The following CELF2 variants were observed in gnomAD, a reference collection of about 807,000 sequenced individuals.
CELF2 encodes CUGBP Elav-like family member 2.
In CELF2, 8 loss-of-function variants were observed where a neutral mutation model predicts 62.6. The ratio of observed to expected loss-of-function variants is 0.13; its 90% CI spans 0.07 to 0.23. The LOEUF is 0.23. CELF2 is among the 10% of genes least tolerant of loss of function. The probability of loss-of-function intolerance (pLI) is 1.00; values close to 1 mark genes in which losing one functional copy is unlikely to be tolerated. For missense variants in CELF2, 333 were observed against 671.0 expected (o/e 0.50, Z 5.56); for synonymous variants, 258 against 250.0 (o/e 1.03, Z -0.30).
At chr10:10,652,724 G>A in the CELF2 span, among the ~76,000 whole-genome samples, 1 of 151,970 alleles carries the variant, frequency 6.6e-6, no homozygotes, top group African/African-American at 2.4e-5. Flanking sequence ...TGAAGGAAGT[G>A]CTAAACATGG....
Position 11,270,016 on chromosome 10 carries a change from G to C in CELF2, c.619-650G>C, listed in dbSNP as rs2083283170. 1.3e-5 allele frequency among the ~76,000 whole-genome samples: 2 copies of C among 152,190 alleles called. No homozygotes were observed. The highest frequency in any genetic ancestry group is 2.9e-5 in the Non-Finnish European group (2 of 68,036). ...GCTCCAGGGATGGCGGGTAGCACAG[G>C]TGTGCTGAGGGAAGAGGCCTCTCTG... On this transcript the variant is annotated intron_variant, in intron 6 of 12. Coordinates refer to ENST00000633077, the MANE Select transcript of CELF2 (RefSeq NM_001326342.2). This position sits in a 1 kb window ranked among gnomAD's most constrained non-coding sequence, Gnocchi z 5.8.
chr10:10,949,826 CAAAAA>C (rs35952853), intron 2 of CELF2, among the ~76,000 whole-genome samples: 2 of 82,270 alleles, frequency 2.4e-5, no homozygotes, highest in Non-Finnish European at 5.1e-5. Context: ...ACACACACAC[CAAAAA>C]AAAAAAAAAA....
intron 1 of CELF2, among the ~76,000 whole-genome samples, chr10:10,859,860 C>T (rs1195922224): frequency 6.6e-6 from 1 of 152,082 alleles, no homozygotes; most frequent in Non-Finnish European, 1.5e-5. Flanking sequence ...TTTATTTCCT[C>T]AGATAAATTC....
chr10:11,121,670 G>A (rs577547193), intron 1 of CELF2, among the ~76,000 whole-genome samples: 13 of 152,236 alleles, frequency 8.5e-5, no homozygotes, highest in African/African-American at 3.1e-4. Flanking sequence ...AATGAAGTAA[G>A]CTTGCCTAGT....
At chr10:10,810,103 A>G (rs1170638878) in intron 1 of CELF2, among the ~76,000 whole-genome samples, 3 of 152,234 alleles carry the variant, frequency 2.0e-5, no homozygotes, top group Non-Finnish European at 2.9e-5. Flanking sequence ...TAATTTGTCA[A>G]TGCCATCTGG....
intron 1 of CELF2, among the ~76,000 whole-genome samples, chr10:11,060,553 G>T (rs1352817645): frequency 6.6e-6 from 1 of 152,132 alleles, no homozygotes; most frequent in Non-Finnish European, 1.5e-5. Context: ...AGTGTCATCA[G>T]CCTTTGATGT....
At chr10:10,634,364 G>T in the CELF2 span, among the ~76,000 whole-genome samples, 1 of 151,818 alleles carries the variant, frequency 6.6e-6, no homozygotes, top group Non-Finnish European at 1.5e-5. Flanking sequence ...ACTAATTGTC[G>T]GTTTTATATA....
chr10:11,045,697 C>T (rs1319287707), intron 1 of CELF2, among the ~76,000 whole-genome samples: 1 of 152,148 alleles, frequency 6.6e-6, no homozygotes, highest in Non-Finnish European at 1.5e-5. Context: ...CAATAAAATG[C>T]AAATGTATGA....
the CELF2 span, among the ~76,000 whole-genome samples, chr10:10,622,542 C>A: frequency 2.0e-5 from 3 of 151,852 alleles, no homozygotes; most frequent in African/African-American, 7.3e-5. Flanking sequence ...ACAGTCCCAG[C>A]TACTCAGGAG....
intron 9 of CELF2, among the ~76,000 whole-genome samples, chr10:11,295,436 C>T (rs907627678): frequency 2.0e-5 from 3 of 152,236 alleles, no homozygotes; most frequent in Non-Finnish European, 4.4e-5. Context: ...ACTCTTAAAA[C>T]GTCATAACCA....
chr10:11,270,819 C>T lies in CELF2; in HGVS notation c.772C>T (p.Leu258=). The change falls in exon 7 of 13, where the codon CTG becomes TTG. Residue 258 remains leucine (L), a synonymous_variant. Transcript: ENST00000633077. This position sits in a 1 kb window ranked among gnomAD's most constrained non-coding sequence, Gnocchi z 5.8. The part of the protein sequence containing the change: ...TGLGGLTPQY[L]ALLQQATSSS... The stretch of plus-strand genomic sequence containing the variant: ...GCTGGGCGGACTGACCCCACAGTAT[C>T]TGGCGGTAAGTGCTGGGCAATGCCG... 1 of 1,427,638 alleles carries T rather than the reference C, an allele frequency of 7.0e-7. No homozygotes were observed. The highest frequency in any genetic ancestry group is 1.6e-5 in the South Asian group (1 of 62,862). The allele number at this position is 1,427,638 out of a possible 1,614,324, so 88.4% of individuals were successfully genotyped here. A position where few individuals can be genotyped will look rare whatever the true frequency, so the allele number is the denominator to read the frequency against.
intron 3 of CELF2, among the ~76,000 whole-genome samples, chr10:11,219,534 G>A (rs2064211714): frequency 6.6e-6 from 1 of 152,164 alleles, no homozygotes; most frequent in African/African-American, 2.4e-5. Context: ...GAGGCAGGTT[G>A]AAGGAATTTG....
intron 2 of CELF2, among the ~76,000 whole-genome samples, chr10:10,954,407 A>T (rs2048674149): frequency 1.3e-5 from 2 of 151,828 alleles, no homozygotes; most frequent in African/African-American, 4.8e-5. Flanking sequence ...CACCATGCCC[A>T]GCTAATTTTT....
chr10:10,705,340 T>C, the CELF2 span, among the ~76,000 whole-genome samples: 1 of 144,080 alleles, frequency 6.9e-6, no homozygotes, highest in Non-Finnish European at 1.5e-5. Flanking sequence ...TTCCCCTCTC[T>C]CTCAGAAGTC....
the CELF2 span, among the ~76,000 whole-genome samples, chr10:10,773,027 G>A: frequency 0.14 from 20,612 of 152,154 alleles, 1,773 homozygotes; most frequent in East Asian, 0.31. Context: ...CATTTGAATG[G>A]GGGGGACAGC....
chr10:10,554,323 A>G, the CELF2 span, among the ~76,000 whole-genome samples: 22 of 152,248 alleles, frequency 1.4e-4, no homozygotes, highest in South Asian at 2.9e-3. Context: ...TGCCTCCTGT[A>G]TCAGCAGAGA....
Position 11,072,138 on chromosome 10 carries a change from C to G in CELF2, c.74+53975C>G, listed in dbSNP as rs187805587. 4.2e-3 allele frequency among the ~76,000 whole-genome samples: 642 copies of G among 152,264 alleles called. 2 individuals are homozygous for G. Among genetic ancestry groups the G allele is most frequent in the Admixed American group, 0.013 (205 of 15,300 alleles). ...GAAAGTTGATAGAGGTGAGGTCGAG[C>G]AACATTCTTTTGTCGTTTTTTCTTT... is the stretch of plus-strand genomic sequence containing the variant. On this transcript the variant is annotated intron_variant, in intron 1 of 12. Transcript: ENST00000633077.
intron 2 of CELF2, among the ~76,000 whole-genome samples, chr10:10,924,544 T>G (rs937488271): frequency 1.3e-5 from 2 of 152,136 alleles, no homozygotes; most frequent in Non-Finnish European, 2.9e-5. Context: ...AAAGTCAGGA[T>G]GTTCTTTGAG....
chr10:10,985,471 C>T (rs933161578), intron 2 of CELF2, among the ~76,000 whole-genome samples: 1 of 152,008 alleles, frequency 6.6e-6, no homozygotes, highest in African/African-American at 2.4e-5. Flanking sequence ...AAGAAAGGGC[C>T]CTTTTGTAAG....
Sources: gnomAD v4.1 joint callset for allele counts (sites outside exome capture counted in the v4.1 genomes callset) on GRCh38, gnomAD v4.1.1 for gene constraint, Gnocchi (gnomAD v3.1) non-coding constraint, MANE v1.5 for transcripts, NCBI Gene and HGNC (gene_info 2026-07-23, HGNC 2026-07-21) for gene names.